The following CEP112 variants were observed in gnomAD, a reference collection of about 807,000 sequenced individuals.
The protein encoded by CEP112 is centrosomal protein 112.
A neutral mutation model predicts 153.0 loss-of-function variants in CEP112; 127 were observed. That is an observed-to-expected ratio of 0.83 (90% CI 0.72 to 0.96). CEP112 has a LOEUF of 0.96. CEP112 is among the 40% of genes least tolerant of loss of function. CEP112 has a pLI of 0.00. For synonymous variants in CEP112, 358 were observed against 374.4 expected (o/e 0.96, Z 0.51); for missense variants, 1,089 against 1,101.2 (o/e 0.99, Z 0.16).
intron 18 of CEP112, among the ~76,000 whole-genome samples, chr17:65,943,456 T>C (rs557091667): frequency 1.1e-4 from 17 of 152,340 alleles, no homozygotes; most frequent in Non-Finnish European, 2.4e-4. Context: ...ATTTTATTTC[T>C]CCTTCACTTA....
chr17:65,907,376 T>G (rs1413669121), intron 19 of CEP112, among the ~76,000 whole-genome samples: 1 of 152,190 alleles, frequency 6.6e-6, no homozygotes, highest in African/African-American at 2.4e-5. Context: ...TAAATGATTG[T>G]TAGTTTGATA....
intron 4 of CEP112, among the ~76,000 whole-genome samples, chr17:66,170,327 T>C (rs2072191308): frequency 6.6e-6 from 1 of 152,162 alleles, no homozygotes; most frequent in Non-Finnish European, 1.5e-5. Flanking sequence ...AGATAATATA[T>C]ATTGATATAG....
At chr17:66,133,933 T>C (rs1049735406) in intron 4 of CEP112, among the ~76,000 whole-genome samples, 1 of 151,954 alleles carries the variant, frequency 6.6e-6, no homozygotes, top group African/African-American at 2.4e-5. Flanking sequence ...AAGAGAGCTG[T>C]TTTTTTTAAT....
At chr17:65,936,179 G>A (rs1237773842) in intron 18 of CEP112, among the ~76,000 whole-genome samples, 2 of 152,060 alleles carry the variant, frequency 1.3e-5, no homozygotes, top group Non-Finnish European at 2.9e-5. Flanking sequence ...AACCTACCAC[G>A]ACTGAGTCAT....
chr17:65,671,947 T>G (rs1216648648), intron 24 of CEP112, among the ~76,000 whole-genome samples: 1 of 152,156 alleles, frequency 6.6e-6, no homozygotes, highest in African/African-American at 2.4e-5. Flanking sequence ...GCCTCACCTG[T>G]GCAATATGAC....
chr17:65,782,187 C>T (rs1392199882), intron 21 of CEP112, among the ~76,000 whole-genome samples: 1 of 151,990 alleles, frequency 6.6e-6, no homozygotes, highest in Non-Finnish European at 1.5e-5. Context: ...GGGCAAAAGA[C>T]ATGACCAGAC....
At chr17:65,720,536 C>T (rs1417702569) in intron 23 of CEP112, among the ~76,000 whole-genome samples, 2 of 152,176 alleles carry the variant, frequency 1.3e-5, no homozygotes, top group Non-Finnish European at 2.9e-5. Context: ...CTGGTAAAGA[C>T]AGAGGCAGCA....
intron 19 of CEP112, among the ~76,000 whole-genome samples, chr17:65,916,653 C>A (rs2060504294): frequency 6.6e-6 from 1 of 151,728 alleles, no homozygotes; most frequent in Non-Finnish European, 1.5e-5. Flanking sequence ...CTCAAACAAC[C>A]CTCGCACCTT....
intron 24 of CEP112, among the ~76,000 whole-genome samples, chr17:65,649,440 G>C (rs1468740189): frequency 2.0e-5 from 3 of 152,156 alleles, no homozygotes; most frequent in Non-Finnish European, 4.4e-5. Flanking sequence ...CATGAGGCCA[G>C]GTGTGGTGGC....
At chr17:66,106,402 A>T (rs946881228) in intron 6 of CEP112, among the ~76,000 whole-genome samples, 7 of 152,118 alleles carry the variant, frequency 4.6e-5, no homozygotes, top group Non-Finnish European at 8.8e-5. Context: ...CTTCAACCAG[A>T]TGAAGTAGGA....
intron 24 of CEP112, among the ~76,000 whole-genome samples, chr17:65,655,713 G>A (rs2046030224): frequency 6.6e-6 from 1 of 151,882 alleles, no homozygotes; most frequent in Non-Finnish European, 1.5e-5. Context: ...ATATTGTTAT[G>A]TATTTATATT....
intron 15 of CEP112, among the ~76,000 whole-genome samples, 169 bp from the exon 16 acceptor site, chr17:66,027,729 G>A (rs1215674720): frequency 3.3e-5 from 5 of 152,034 alleles, no homozygotes; most frequent in East Asian, 1.9e-4. Flanking sequence ...TTTGTATTAC[G>A]AGGCATAAAA....
chr17:66,186,837 C>A (rs764350565), intron 1 of CEP112, among the ~76,000 whole-genome samples: 3 of 152,176 alleles, frequency 2.0e-5, no homozygotes, highest in Admixed American at 1.3e-4. Flanking sequence ...TCCAGCTTCT[C>A]CTAACTCTCA....
intron 17 of CEP112, among the ~76,000 whole-genome samples, chr17:65,986,966 C>T (rs536367666): frequency 7.8e-4 from 119 of 152,060 alleles, no homozygotes; most frequent in African/African-American, 2.6e-3. Context: ...GTTAAATAAA[C>T]GAAACACCAA....
chr17:65,895,659 TAGAA>T (rs1404166315), intron 20 of CEP112, among the ~76,000 whole-genome samples: 1 of 152,102 alleles, frequency 6.6e-6, no homozygotes, highest in Non-Finnish European at 1.5e-5. Context: ...GAAACTATGA[TAGAA>T]AGAGCACTAA....
At chr17:65,914,525 C>T (rs1281233167) in intron 19 of CEP112, among the ~76,000 whole-genome samples, 1 of 152,084 alleles carries the variant, frequency 6.6e-6, no homozygotes, top group African/African-American at 2.4e-5. Flanking sequence ...TCATCTTCCC[C>T]ATCACCAAAT....
At chr17:66,006,605 C>CAA (rs529573892) in intron 16 of CEP112, among the ~76,000 whole-genome samples, 3 of 136,152 alleles carry the variant, frequency 2.2e-5, no homozygotes, top group Non-Finnish European at 4.8e-5. Flanking sequence ...GACTCCATCT[C>CAA]AAAAAAAAAA....
chr17:65,802,669 C>T (rs900041013), intron 21 of CEP112, among the ~76,000 whole-genome samples: 2 of 152,128 alleles, frequency 1.3e-5, no homozygotes, highest in Non-Finnish European at 2.9e-5. Context: ...CCATGGAAAG[C>T]ATTTATTTAC....
intron 21 of CEP112, among the ~76,000 whole-genome samples, chr17:65,803,634 T>C (rs1694046600): frequency 6.6e-6 from 1 of 152,212 alleles, no homozygotes. Context: ...AAGTATCACA[T>C]GCCATCTTAA....
Sources: allele counts gnomAD v4.1 joint callset (sites outside exome capture counted in the v4.1 genomes callset), GRCh38; gene constraint gnomAD v4.1.1; transcripts MANE v1.5; gene names NCBI Gene and HGNC (gene_info 2026-07-23, HGNC 2026-07-21).